Variants in DMXL1 observed in about 807,000 individuals in gnomAD.
DMXL1 encodes Dmx like 1.
A neutral mutation model predicts 319.2 loss-of-function variants in DMXL1; 99 were observed. That is an observed-to-expected ratio of 0.31 (90% CI 0.26 to 0.37). The LOEUF (loss-of-function observed/expected upper bound fraction) is 0.37. Ranked by LOEUF, DMXL1 falls within the 10% of genes least tolerant of loss-of-function variation. The probability of loss-of-function intolerance (pLI) is 1.00; values close to 1 mark genes in which losing one functional copy is unlikely to be tolerated. For synonymous variants in DMXL1, 1,385 were observed against 1,235.2 expected, an observed-to-expected ratio of 1.12 and a Z score of -2.54; for missense variants, 3,745 against 3,595.6, an observed-to-expected ratio of 1.04 and a Z score of -1.06.
intron 39 of DMXL1, among the ~76,000 whole-genome samples, chr5:119,235,354 G>A: frequency 6.6e-6 from 1 of 152,092 alleles, no homozygotes; most frequent in East Asian, 1.9e-4. Flanking sequence ...AAACAGAAAA[G>A]AGTTATTGGA....
Position 119,167,599 on chromosome 5 carries a change from A to T in DMXL1, c.5137-4A>T. On this transcript the variant is annotated splice_polypyrimidine_tract_variant and splice_region_variant and intron_variant, in intron 22 of 43. Transcript: ENST00000539542. The stretch of plus-strand genomic sequence containing the variant: ...TTATTTAAAAACAATATTTTTTTTT[A>T]AAGGTATGTCTTGAGAAATTGAATG... The T allele has an allele frequency of 4.5e-6, 7 of 1,541,240 alleles. No individual in the cohort carries two copies. Among genetic ancestry groups the T allele is most frequent in the Admixed American group, 4.2e-5 (2 of 48,032 alleles).
chr5:119,194,722 A>G (rs1016357744), intron 30 of DMXL1, among the ~76,000 whole-genome samples: 1 of 152,158 alleles, frequency 6.6e-6, no homozygotes, highest in Middle Eastern at 3.2e-3. Context: ...TTAAAAGTCA[A>G]ACTGCACAAC....
chr5:119,095,871 T>G (rs936415143), intron 1 of DMXL1, among the ~76,000 whole-genome samples: 1 of 152,180 alleles, frequency 6.6e-6, no homozygotes. Context: ...TTCTTTTCAC[T>G]TTGTGAAACT....
intron 4 of DMXL1, among the ~76,000 whole-genome samples, chr5:119,109,773 C>A (rs1446896472): frequency 6.6e-6 from 1 of 152,170 alleles, no homozygotes; most frequent in Non-Finnish European, 1.5e-5. Flanking sequence ...CTGTGGGCTT[C>A]CATAAAGCTT....
chr5:119,107,798 C>A (rs936693078), intron 4 of DMXL1, among the ~76,000 whole-genome samples: 1 of 151,810 alleles, frequency 6.6e-6, no homozygotes, highest in African/African-American at 2.4e-5. Context: ...TTTTTTTTGG[C>A]CCCTGTCTAT....
At chr5:119,103,170 T>A (rs1757639341) in intron 3 of DMXL1, among the ~76,000 whole-genome samples, 1 of 152,042 alleles carries the variant, frequency 6.6e-6, no homozygotes, top group Admixed American at 6.6e-5. Flanking sequence ...AGCTAGTTGG[T>A]CTTAGGTAAG....
Position 119,110,153 on chromosome 5 carries a change from A to T in DMXL1, c.367A>T (p.Ser123Cys), listed in dbSNP as rs146514647. 6.3e-7 allele frequency: 1 copy of T among 1,590,708 alleles called. No homozygotes were observed. The highest frequency in any genetic ancestry group is 1.4e-5 in the African/African-American group (1 of 73,170). The part of the protein sequence containing the change: ...AHNITWDPTG[S>C]RLLTGSSYLQ... ...ATGAGGAATAATATTTTTTTTAGGC[A>T]GTCGTCTTTTAACTGGTTCCAGCTA... is the stretch of plus-strand genomic sequence containing the variant. The change falls in exon 5 of 44, where the codon AGT becomes TGT. Residue 123 changes from serine (S) to cysteine (C), a missense_variant and splice_region_variant. This residue lies in a region of DMXL1 where 2,096 missense variants were observed against 1,985.4 expected (regional missense o/e 1.06). Coordinates refer to ENST00000539542, the MANE Select transcript of DMXL1 (RefSeq NM_001290321.3).
At position 119,134,010 on chromosome 5, in the gene DMXL1, C is replaced by A. The variant is rs1374746335; in HGVS notation, c.2086C>A (p.Gln696Lys). Reference protein sequence around the residue: ...QNKSTVDVAFQDPSAVYSELI... With the variant: ...QNKSTVDVAFKDPSAVYSELI... ...TAAAAGCACTGTTGACGTGGCATTTCAGGATCCCAGTGCAGTTTACAGTGA... is the reference window on the plus strand; with the variant it reads ...TAAAAGCACTGTTGACGTGGCATTTAAGGATCCCAGTGCAGTTTACAGTGA... The change falls in exon 12 of 44, where the codon CAG becomes AAG. Residue 696 changes from glutamine (Q) to lysine (K), a missense_variant. Around this residue, in one of 4 missense-constraint regions of DMXL1, gnomAD observed 2,096 missense variants for 1,985.4 expected, o/e 1.06. Transcript: ENST00000539542. 1 of 1,614,088 alleles carries A rather than the reference C, an allele frequency of 6.2e-7. No homozygotes were observed. Among genetic ancestry groups the A allele is most frequent in the African/African-American group, 1.3e-5 (1 of 74,940 alleles).
chr5:119,193,762 G>C, intron 29 of DMXL1, 66 bp from the exon 30 acceptor site: 5 of 1,439,010 alleles, frequency 3.5e-6, no homozygotes, highest in Non-Finnish European at 4.8e-6. Flanking sequence ...ATTACTATTA[G>C]ACTGTATGTT....
intron 9 of DMXL1, among the ~76,000 whole-genome samples, chr5:119,122,120 G>A (rs1314282174): frequency 7.1e-6 from 1 of 141,758 alleles, no homozygotes. Flanking sequence ...GGACGGGGCG[G>A]CTGGCCGGGC....
chr5:119,110,007 A>G (rs762534796), intron 4 of DMXL1, 144 bp from the exon 5 acceptor site: 2 of 628,214 alleles, frequency 3.2e-6, no homozygotes, highest in Non-Finnish European at 5.4e-6. Flanking sequence ...ACGAAATTAA[A>G]ATACAGCCTT....
intron 1 of DMXL1, among the ~76,000 whole-genome samples, chr5:119,074,172 G>T (rs963224903): frequency 6.6e-6 from 1 of 152,212 alleles, no homozygotes; most frequent in African/African-American, 2.4e-5. Flanking sequence ...ACCAGTCTTG[G>T]CCTCCCAAAG....
intron 39 of DMXL1, chr5:119,236,464 A>G (rs545720646): frequency 4.8e-4 from 73 of 152,152 alleles, no homozygotes; most frequent in African/African-American, 1.7e-3. Flanking sequence ...TTAAATTGTA[A>G]TACCACTGTA....
In DMXL1 at chr5:119,206,612, G is replaced by A. The variant is rs1362391837; in HGVS notation, c.7864-222G>A. On this transcript the variant is annotated intron_variant, in intron 33 of 43. Transcript: ENST00000539542. ...TAGGGTTAGAATAAAATTTATAGTGGTAGTTAATGAGTTCTGAGGGATTAA... is the reference window on the plus strand; with the variant it reads ...TAGGGTTAGAATAAAATTTATAGTGATAGTTAATGAGTTCTGAGGGATTAA... The A allele has an allele frequency of 6.7e-5, 22 of 327,848 alleles. No homozygotes were observed. The East Asian group carries it at 1.0e-3, about 15-fold the overall frequency. The allele number at this position is 327,848 out of a possible 1,614,324, so 20.3% of individuals were successfully genotyped here.
intron 28 of DMXL1, among the ~76,000 whole-genome samples, chr5:119,182,231 T>G (rs1207239895): frequency 6.6e-6 from 1 of 152,230 alleles, no homozygotes; most frequent in Admixed American, 6.5e-5. Flanking sequence ...CCAGTTAAAA[T>G]TAATGTGTAT....
rs757141442 is a variant in DMXL1, at chr5:119,189,853, T to C, written c.7281T>C (p.Pro2427=). Residue 2427 remains proline (P), a synonymous_variant, in exon 29 of 44, where the codon CCT becomes CCC. Coordinates refer to ENST00000539542, the MANE Select transcript of DMXL1 (RefSeq NM_001290321.3). The stretch of plus-strand genomic sequence containing the variant: ...CGGTTAAAGAAAAGTTCATCCCACC[T>C]GAGCTCAGTATCTGGGACTATTTCA... The part of the protein sequence containing the change: ...SLAVKEKFIP[P]ELSIWDYFIA... 1 of 1,613,884 alleles carries C rather than the reference T, an allele frequency of 6.2e-7. No individual in the cohort carries two copies. The highest frequency in any genetic ancestry group is 8.5e-7 in the Non-Finnish European group (1 of 1,179,804).
At chr5:119,122,077 C>T (rs574912927) in intron 9 of DMXL1, among the ~76,000 whole-genome samples, 6 of 138,488 alleles carry the variant, frequency 4.3e-5, no homozygotes, top group Admixed American at 1.4e-4. Flanking sequence ...GGCGGCTGGC[C>T]GGGCGGGGGG....
chr5:119,131,991 C>T (rs1765003994), intron 10 of DMXL1, among the ~76,000 whole-genome samples: 1 of 152,090 alleles, frequency 6.6e-6, no homozygotes, highest in African/African-American at 2.4e-5. Context: ...TATACTTCTT[C>T]AAAATAAAAA....
intron 34 of DMXL1, among the ~76,000 whole-genome samples, chr5:119,215,290 A>G (rs113318653): frequency 1.3e-4 from 20 of 152,054 alleles, no homozygotes; most frequent in Admixed American, 5.9e-4. Context: ...TTGAACAGTG[A>G]TCTTAATTGC....
Sources: gnomAD v4.1 joint callset for allele counts (sites outside exome capture counted in the v4.1 genomes callset) on GRCh38, gnomAD v4.1.1 for gene constraint, gnomAD v4.1.1 regional missense constraint, MANE v1.5 for transcripts, NCBI Gene and HGNC (gene_info 2026-07-23, HGNC 2026-07-21) for gene names.